PPM1K: variants seen among roughly 807,000 people sequenced by gnomAD.
PPM1K encodes protein phosphatase Mn(2+)-dependent 1K.
A neutral mutation model predicts 32.6 loss-of-function variants in PPM1K; 19 were observed. The observed-to-expected ratio is 0.58, with a 90% CI of 0.41 to 0.86. PPM1K has a LOEUF of 0.86. Among genes scored for constraint, PPM1K ranks in the 40% least tolerant of loss-of-function variants. The probability of loss-of-function intolerance (pLI) is 0.00; values close to 1 mark genes in which losing one functional copy is unlikely to be tolerated. For missense variants in PPM1K, 362 were observed against 461.2 expected, an observed-to-expected ratio of 0.78 and a Z score of 1.97; for synonymous variants, 159 against 165.3, an observed-to-expected ratio of 0.96 and a Z score of 0.29.
chr4:88,281,728 A>G (rs1055731424), intron 1 of PPM1K, among the ~76,000 whole-genome samples: 1 of 152,342 alleles, frequency 6.6e-6, no homozygotes, highest in East Asian at 1.9e-4. Context: ...CAATGTAACT[A>G]AATCATATCA....
In PPM1K at chr4:88,278,429, G is replaced by A. The variant is rs367799357; in HGVS notation, c.155C>T (p.Pro52Leu). ...GGTAGCTGGACTCCCACTACCATCT[G>A]GGTCAAACCGAGAACACCTAGGCTC... ...TSEPRCSRFD[P>L]DGSGSPATWD... Residue 52 changes from proline to leucine, a missense_variant, in exon 2 of 7, where the codon CCA becomes CTA. Transcript: ENST00000608933. This position sits in a 1 kb window ranked among gnomAD's most constrained non-coding sequence, Gnocchi z 4.2. 1 of 1,614,086 alleles carries A rather than the reference G, an allele frequency of 6.2e-7. No individual in the cohort carries two copies.
chr4:88,265,723 T>C (rs1578312017), intron 5 of PPM1K, among the ~76,000 whole-genome samples: 1 of 152,190 alleles, frequency 6.6e-6, no homozygotes, highest in South Asian at 2.1e-4. Context: ...TAAATAGTAG[T>C]TAAAAGTAAA....
intron 3 of PPM1K, chr4:88,275,592 T>C (rs1477064269): frequency 2.0e-6 from 2 of 985,302 alleles, no homozygotes; most frequent in African/African-American, 3.5e-5. Context: ...ATGCCTGGGA[T>C]AAATTTGGAC....
chr4:88,270,117 A>G (rs1731495866), intron 3 of PPM1K, among the ~76,000 whole-genome samples: 2 of 152,232 alleles, frequency 1.3e-5, no homozygotes, highest in Admixed American at 1.3e-4. Context: ...TACTAATTTG[A>G]CTGATTAAGA....
rs1398954353 is a variant in PPM1K at position 88,259,326 on chromosome 4, C to G, written c.*3269G>C. The G allele has an allele frequency of 6.6e-6, 1 of 150,704 alleles. No homozygotes were observed. Among genetic ancestry groups the G allele is most frequent in the African/African-American group, 2.4e-5 (1 of 41,046 alleles). 9.3% of individuals were successfully genotyped at this position (150,704 alleles called of 1,614,324 possible). On this transcript the variant is annotated 3_prime_UTR_variant, in exon 7 of 7. Coordinates refer to ENST00000608933, the MANE Select transcript of PPM1K (RefSeq NM_152542.5). ...AACGAACAGCTGATGGAGAACAGGA[C>G]AGCATTTACTTCTGAATCTATAAAG...
intron 5 of PPM1K, among the ~76,000 whole-genome samples, chr4:88,267,303 C>A (rs1188656005): frequency 1.4e-5 from 2 of 145,272 alleles, no homozygotes; most frequent in Non-Finnish European, 3.0e-5. Flanking sequence ...TGACTGGGTG[C>A]AGGTGATGCT....
intron 6 of PPM1K, among the ~76,000 whole-genome samples, chr4:88,263,350 C>T (rs1243087616): frequency 1.3e-5 from 2 of 152,116 alleles, no homozygotes; most frequent in African/African-American, 2.4e-5. Context: ...AACTGTAGAA[C>T]ATGCTAGTGT....
At chr4:88,276,265 C>T (rs1222051118) in intron 3 of PPM1K, 23 of 985,244 alleles carry the variant, frequency 2.3e-5, no homozygotes, top group Non-Finnish European at 2.8e-5. Flanking sequence ...CTGTGGTGCA[C>T]TTGGTTTCTT....
chr4:88,262,551 C>A lies in PPM1K; in HGVS notation c.*44G>T. On this transcript the variant is annotated 3_prime_UTR_variant, in exon 7 of 7. Transcript: ENST00000608933. ...GATCTTATCAGTTTCTTGACATGCT[C>A]AGTGAAAAACTGTTGCACAGAAACT... 2 of 1,603,998 alleles carry A rather than the reference C, an allele frequency of 1.2e-6. No homozygotes were observed. The highest frequency in any genetic ancestry group is 2.2e-5 in the South Asian group (2 of 89,208).
At position 88,258,160 on chromosome 4, in the gene PPM1K, G is replaced by A. The variant is rs1730975908; in HGVS notation, c.*4435C>T. 6.6e-6 allele frequency: 1 copy of A among 152,042 alleles called. No homozygotes were observed. Among genetic ancestry groups the A allele is most frequent in the South Asian group, 2.1e-4 (1 of 4,830 alleles). The allele number at this position is 152,042 out of a possible 1,614,324, so 9.4% of individuals were successfully genotyped here. ...CTCATGTCACTTTTTACAGACATGG[G>A]TATATGAGAACCATGGAGGTGCTAA... On this transcript the variant is annotated 3_prime_UTR_variant, in exon 7 of 7. Coordinates refer to ENST00000608933, the MANE Select transcript of PPM1K (RefSeq NM_152542.5).
chr4:88,273,475 G>C (rs564616144), intron 3 of PPM1K, among the ~76,000 whole-genome samples: 11 of 152,310 alleles, frequency 7.2e-5, no homozygotes, highest in African/African-American at 2.6e-4. Flanking sequence ...AAGGTCGGGA[G>C]TTAGAGACCA....
intron 1 of PPM1K, chr4:88,284,204 A>G (rs1036443550): frequency 5.3e-5 from 8 of 152,084 alleles, no homozygotes; most frequent in African/African-American, 1.7e-4. Context: ...CACGACCTCC[A>G]AAGGGAAGAA....
intron 3 of PPM1K, chr4:88,275,167 ATTTC>A (rs1394753099): frequency 7.2e-6 from 4 of 552,354 alleles, no homozygotes; most frequent in East Asian, 1.4e-4. Flanking sequence ...ATGCATTTTA[ATTTC>A]TTTATTACAA....
intron 1 of PPM1K, among the ~76,000 whole-genome samples, chr4:88,280,493 G>T (rs185519741): frequency 9.2e-5 from 14 of 152,178 alleles, no homozygotes; most frequent in Non-Finnish European, 1.9e-4. Context: ...GGCCGGACCC[G>T]GTGGCTCACA....
At position 88,261,336 on chromosome 4, in the gene PPM1K, G is replaced by A. The variant is rs1731106236; in HGVS notation, c.*1259C>T. On this transcript the variant is annotated 3_prime_UTR_variant, in exon 7 of 7. Transcript: ENST00000608933. ...ACATAAAACTCAAGCTATGTCTATAGCAGTATCAGTCAATGTGGTATTATT... is the reference window on the plus strand; with the variant it reads ...ACATAAAACTCAAGCTATGTCTATAACAGTATCAGTCAATGTGGTATTATT... 1 of 152,140 alleles carries A rather than the reference G, an allele frequency of 6.6e-6. No homozygotes were observed. Among genetic ancestry groups the A allele is most frequent in the Non-Finnish European group, 1.5e-5 (1 of 68,020 alleles). 9.4% of individuals were successfully genotyped at this position (152,140 alleles called of 1,614,324 possible).
At chr4:88,272,428 G>C (rs1428391648) in intron 3 of PPM1K, among the ~76,000 whole-genome samples, 1 of 152,128 alleles carries the variant, frequency 6.6e-6, no homozygotes, top group Non-Finnish European at 1.5e-5. Context: ...TTCTCTTTTT[G>C]TTCCATTTGT....
At chr4:88,275,339 A>T (rs1731721950) in intron 3 of PPM1K, 1 of 968,342 alleles carries the variant, frequency 1.0e-6, no homozygotes, top group Admixed American at 6.2e-5. Flanking sequence ...TAATTTCTTT[A>T]TACAACTGTT....
chr4:88,275,937 A>G, intron 3 of PPM1K: 1 of 985,482 alleles, frequency 1.0e-6, no homozygotes, highest in Non-Finnish European at 1.2e-6. Flanking sequence ...GAATGAAAGA[A>G]AAGAAAATGG....
At chr4:88,270,527 A>G (rs577009311) in intron 3 of PPM1K, among the ~76,000 whole-genome samples, 7 of 152,342 alleles carry the variant, frequency 4.6e-5, no homozygotes, top group African/African-American at 1.7e-4. Flanking sequence ...GAAACAGTGG[A>G]ATCTTTACAG....
Sources: gnomAD v4.1 joint callset for allele counts (sites outside exome capture counted in the v4.1 genomes callset) on GRCh38, gnomAD v4.1.1 for gene constraint, Gnocchi (gnomAD v3.1) non-coding constraint, MANE v1.5 for transcripts, NCBI Gene and HGNC (gene_info 2026-07-23, HGNC 2026-07-21) for gene names.